Variants in KIAA1549L observed in about 807,000 individuals in gnomAD.
KIAA1549L encodes the protein UPF0606 protein KIAA1549L.
KIAA1549L carries 88 observed loss-of-function variants against 160.7 expected under a neutral mutation model. The ratio of observed to expected loss-of-function variants is 0.55; its 90% CI spans 0.46 to 0.65. KIAA1549L has a LOEUF of 0.65. Among genes scored for constraint, KIAA1549L ranks in the 30% least tolerant of loss-of-function variants. KIAA1549L has a pLI of 0.00. For missense variants in KIAA1549L, 2,258 were observed against 2,437.5 expected, an observed-to-expected ratio of 0.93 and a Z score of 1.55; for synonymous variants, 950 against 976.7, an observed-to-expected ratio of 0.97 and a Z score of 0.51.
At chr11:33,435,804 A>ATGTGTGTGTGTGTGTGTG (rs1224054996) in intron 1 of KIAA1549L, among the ~76,000 whole-genome samples, 1 of 17,138 alleles carries the variant, frequency 5.8e-5, no homozygotes, top group African/African-American at 3.2e-4. Flanking sequence ...ATATATATAT[A>ATGTGTGTGTGTGTGTGTG]TATATATGTG....
At chr11:33,509,654 T>G (rs1179374482) in intron 1 of KIAA1549L, among the ~76,000 whole-genome samples, 1 of 152,234 alleles carries the variant, frequency 6.6e-6, no homozygotes, top group Non-Finnish European at 1.5e-5. Context: ...GTTTATGATT[T>G]AGAGCCTTAG....
chr11:33,418,779 A>G (rs1311279857), intron 1 of KIAA1549L, among the ~76,000 whole-genome samples: 1 of 152,102 alleles, frequency 6.6e-6, no homozygotes, highest in African/African-American at 2.4e-5. Flanking sequence ...TCCTAGTGCA[A>G]TGTGCCTTGC....
chr11:33,645,415 C>CT (rs765500714), intron 16 of KIAA1549L, among the ~76,000 whole-genome samples: 1 of 152,012 alleles, frequency 6.6e-6, no homozygotes, highest in Non-Finnish European at 1.5e-5. Flanking sequence ...AGCCATTTCT[C>CT]GAGTCTGTTA....
intron 1 of KIAA1549L, among the ~76,000 whole-genome samples, chr11:33,474,366 C>A (rs1326155618): frequency 6.6e-6 from 1 of 152,238 alleles, no homozygotes; most frequent in Non-Finnish European, 1.5e-5. Context: ...TGATCACATT[C>A]AGTCGTACAC....
At chr11:33,475,225 C>T (rs1226264611) in intron 1 of KIAA1549L, among the ~76,000 whole-genome samples, 1 of 152,138 alleles carries the variant, frequency 6.6e-6, no homozygotes, top group African/African-American at 2.4e-5. Flanking sequence ...GTAGTTTTGC[C>T]TCTTCTGGTA....
At chr11:33,524,501 G>A (rs1417047355) in intron 1 of KIAA1549L, among the ~76,000 whole-genome samples, 2 of 105,792 alleles carry the variant, frequency 1.9e-5, no homozygotes, top group African/African-American at 9.7e-5. Context: ...TTCATTTTTT[G>A]AGGCGAGAGG....
intron 1 of KIAA1549L, among the ~76,000 whole-genome samples, chr11:33,416,038 A>T (rs1850881037): frequency 1.3e-5 from 2 of 152,192 alleles, no homozygotes; most frequent in South Asian, 4.2e-4. Flanking sequence ...CCCTGTCATA[A>T]ACTAATCAAC....
At position 33,552,125 on chromosome 11, in the gene KIAA1549L, C is replaced by A; in HGVS notation, c.3739C>A (p.Gln1247Lys). 1 of 1,613,560 alleles carries A rather than the reference C, an allele frequency of 6.2e-7. No individual in the cohort carries two copies. Among genetic ancestry groups the A allele is most frequent in the Non-Finnish European group, 8.5e-7 (1 of 1,179,738 alleles). ...QLKTVLQFVS[Q>K]ADNIQSCKFA... ...CATTCTAGTGCTGCAGTTTGTGAGC[C>A]AAGCGGACAACATACAGTCCTGCAA... The change falls in exon 6 of 21, where the codon CAA becomes AAA. Residue 1247 changes from glutamine to lysine, a missense_variant. Around this residue, in one of 6 missense-constraint regions of KIAA1549L, gnomAD observed 1,359 missense variants for 1,546.6 expected, o/e 0.88. Transcript: ENST00000658780.
intron 16 of KIAA1549L, among the ~76,000 whole-genome samples, chr11:33,634,266 C>T (rs1384537831): frequency 6.9e-6 from 1 of 145,042 alleles, no homozygotes; most frequent in African/African-American, 2.7e-5. Context: ...TTATCTGGAA[C>T]TCCTGACCTC....
chr11:33,465,603 T>C (rs1436024174), intron 1 of KIAA1549L, among the ~76,000 whole-genome samples: 5 of 152,194 alleles, frequency 3.3e-5, no homozygotes, highest in African/African-American at 1.2e-4. Flanking sequence ...ATGAAGAAAA[T>C]AGGAACTGTT....
intron 1 of KIAA1549L, among the ~76,000 whole-genome samples, chr11:33,435,784 A>ATGTGTGTGTGTGTGTGTGTGTG (rs1180781136): frequency 4.8e-5 from 1 of 20,654 alleles, no homozygotes. Context: ...ATATATATAT[A>ATGTGTGTGTGTGTGTGTGTGTG]TATATATATA....
At chr11:33,418,022 G>A (rs777668273) in intron 1 of KIAA1549L, among the ~76,000 whole-genome samples, 3 of 152,166 alleles carry the variant, frequency 2.0e-5, no homozygotes, top group East Asian at 1.9e-4. Flanking sequence ...CAAGTGATCC[G>A]TCCACCTCAG....
chr11:33,654,120 G>A (rs1022497265), intron 17 of KIAA1549L, among the ~76,000 whole-genome samples: 2 of 151,744 alleles, frequency 1.3e-5, no homozygotes, highest in East Asian at 1.9e-4. Context: ...TTACAGGTGC[G>A]TGCCACCACG....
chr11:33,598,415 C>T (rs139679676), intron 12 of KIAA1549L, among the ~76,000 whole-genome samples: 170 of 152,276 alleles, frequency 1.1e-3, no homozygotes, highest in Non-Finnish European at 8.8e-4. Flanking sequence ...AAGAGAACCA[C>T]GTGTGATACA....
chr11:33,553,739 A>C (rs973146613), intron 6 of KIAA1549L, among the ~76,000 whole-genome samples: 1 of 152,228 alleles, frequency 6.6e-6, no homozygotes, highest in African/African-American at 2.4e-5. Context: ...AGATCTTGGC[A>C]GCACAGCATA....
chr11:33,459,835 C>T (rs1021720648), intron 1 of KIAA1549L, among the ~76,000 whole-genome samples: 1 of 149,436 alleles, frequency 6.7e-6, no homozygotes, highest in African/African-American at 2.5e-5. Flanking sequence ...GTGGCGGGCG[C>T]CTGTAGTCCC....
rs377514973 is a variant in KIAA1549L, at chr11:33,630,978, T to C, written c.5409+12316T>C. Among the ~76,000 whole-genome samples, 14 of 152,234 alleles carry C rather than the reference T, an allele frequency of 9.2e-5. No homozygotes were observed. In the East Asian group the frequency reaches 1.9e-3, roughly 21 times the overall value. On this transcript the variant is annotated intron_variant, in intron 16 of 20. Coordinates refer to ENST00000658780, the MANE Select transcript of KIAA1549L (RefSeq NM_012194.3). ...TCGTGCATGGCCAGGTAATTACTAG[T>C]GGAGGAGAGAGGTGGAGGCACGTGC...
intron 1 of KIAA1549L, among the ~76,000 whole-genome samples, chr11:33,529,551 A>G (rs1169063874): frequency 6.6e-6 from 1 of 152,170 alleles, no homozygotes; most frequent in African/African-American, 2.4e-5. Context: ...CTTAGAAAGG[A>G]GCAAACAGAC....
chr11:33,528,369 C>T (rs1477623737), intron 1 of KIAA1549L, among the ~76,000 whole-genome samples: 2 of 152,240 alleles, frequency 1.3e-5, no homozygotes, highest in African/African-American at 4.8e-5. Flanking sequence ...TACTTCTACA[C>T]TGTTGGTGGG....
Sources: allele counts gnomAD v4.1 joint callset (sites outside exome capture counted in the v4.1 genomes callset), GRCh38; gene constraint gnomAD v4.1.1; regional missense constraint gnomAD v4.1.1; transcripts MANE v1.5; gene names NCBI Gene and HGNC (gene_info 2026-07-23, HGNC 2026-07-21).